Variants in ATP8B4 observed in about 807,000 individuals in gnomAD.
ATP8B4 encodes the protein probable phospholipid-transporting ATPase IM.
Under a neutral mutation model 145.6 loss-of-function variants are expected in ATP8B4, and 133 were observed. The ratio of observed to expected loss-of-function variants is 0.91; its 90% confidence interval spans 0.79 to 1.05. The LOEUF is 1.05. Among genes scored for constraint, ATP8B4 ranks in the 50% least tolerant of loss-of-function variants. The pLI, the probability that ATP8B4 is intolerant of heterozygous loss-of-function variation, is 0.00. For missense variants in ATP8B4, 1,458 were observed against 1,425.2 expected, an observed-to-expected ratio of 1.02 and a Z score of -0.37; for synonymous variants, 507 against 492.9, an observed-to-expected ratio of 1.03 and a Z score of -0.38.
chr15:49,901,929 C>T (rs2038085329), intron 20 of ATP8B4: 1 of 339,052 alleles, frequency 2.9e-6, no homozygotes, highest in Non-Finnish European at 5.7e-6. Context: ...CCTCCAAATG[C>T]TCTAGATCTA....
At chr15:50,140,939 T>G (rs965195638) in intron 1 of ATP8B4, among the ~76,000 whole-genome samples, 2 of 152,188 alleles carry the variant, frequency 1.3e-5, no homozygotes, top group African/African-American at 4.8e-5. Flanking sequence ...GTACAAATAC[T>G]GATCTCTCTA....
At chr15:49,910,964 C>T (rs1028982204) in intron 20 of ATP8B4, among the ~76,000 whole-genome samples, 4 of 151,946 alleles carry the variant, frequency 2.6e-5, no homozygotes, top group African/African-American at 9.6e-5. Context: ...CATAAAAGTG[C>T]AAAACTCACT....
intron 2 of ATP8B4, among the ~76,000 whole-genome samples, chr15:50,085,641 G>C (rs935238975): frequency 1.3e-5 from 2 of 151,546 alleles, no homozygotes; most frequent in Admixed American, 1.3e-4. Context: ...AGCCTGTGCA[G>C]AATTCTCCCA....
chr15:49,909,153 C>T (rs1248736839), intron 20 of ATP8B4, among the ~76,000 whole-genome samples: 3 of 152,098 alleles, frequency 2.0e-5, no homozygotes, highest in Non-Finnish European at 2.9e-5. Flanking sequence ...TACCCCCCAC[C>T]CCAGTACTTG....
intron 8 of ATP8B4, among the ~76,000 whole-genome samples, chr15:49,999,624 G>A (rs1459740783): frequency 2.0e-5 from 3 of 152,142 alleles, no homozygotes; most frequent in South Asian, 4.2e-4. Context: ...TAATCTGCCT[G>A]AGTATCTTGA....
intron 6 of ATP8B4, among the ~76,000 whole-genome samples, chr15:50,031,315 C>T (rs149421635): frequency 1.6e-4 from 25 of 152,218 alleles, no homozygotes; most frequent in African/African-American, 5.8e-4. Flanking sequence ...ATACCTTTCC[C>T]CTAGCCCCAG....
chr15:50,018,376 G>A (rs560430379), intron 6 of ATP8B4, among the ~76,000 whole-genome samples: 23 of 152,262 alleles, frequency 1.5e-4, no homozygotes, highest in Middle Eastern at 3.4e-3. Flanking sequence ...TGTACAAAAT[G>A]ACCCCTCTAA....
At chr15:50,041,650 T>G (rs2051291653) in intron 5 of ATP8B4, among the ~76,000 whole-genome samples, 3 of 152,154 alleles carry the variant, frequency 2.0e-5, no homozygotes. Context: ...TATGTGTTTG[T>G]TAAAAATCTG....
At chr15:49,982,412 C>G (rs913151889) in intron 10 of ATP8B4, 3 of 152,042 alleles carry the variant, frequency 2.0e-5, no homozygotes, top group Non-Finnish European at 4.4e-5. Context: ...GGAAATATTT[C>G]TTTTATGGTA....
intron 2 of ATP8B4, among the ~76,000 whole-genome samples, chr15:50,079,907 C>T (rs957813431): frequency 6.6e-6 from 1 of 152,022 alleles, no homozygotes; most frequent in Non-Finnish European, 1.5e-5. Context: ...AGTACAAGAC[C>T]CGAAAGAAGA....
At chr15:49,926,647 T>G (rs2040751991) in intron 16 of ATP8B4, among the ~76,000 whole-genome samples, 1 of 152,142 alleles carries the variant, frequency 6.6e-6, no homozygotes, top group Non-Finnish European at 1.5e-5. Flanking sequence ...AGAACTACCT[T>G]TCAACTTTTC....
At chr15:50,036,184 C>T (rs1287542019) in intron 6 of ATP8B4, among the ~76,000 whole-genome samples, 1 of 152,098 alleles carries the variant, frequency 6.6e-6, no homozygotes, top group Non-Finnish European at 1.5e-5. Flanking sequence ...GAAAGTATTT[C>T]TAGGAGAAAC....
At chr15:49,894,071 G>C (rs1380542043) in intron 23 of ATP8B4, among the ~76,000 whole-genome samples, 1 of 152,164 alleles carries the variant, frequency 6.6e-6, no homozygotes, top group Non-Finnish European at 1.5e-5. Flanking sequence ...CAGGTGATAA[G>C]CAATTACTAC....
rs74811880 is a variant in ATP8B4, at chr15:49,876,345, T to C, written c.2960A>G (p.His987Arg). ...TGCAAAGGACTGGTAGTCAGCAATA[T>C]GTTGCCCATCTTCTCCAGCCACGTT... is the stretch of plus-strand genomic sequence containing the variant. ...FYNVAGEDGQ[H>R]IADYQSFAVT... Residue 987 changes from histidine to arginine, a missense_variant, in exon 25 of 28, where the codon CAT becomes CGT. Transcript: ENST00000284509. The C allele has an allele frequency of 9.9e-4, 1,597 of 1,614,118 alleles. 1 individual carries two copies. Among genetic ancestry groups the C allele is most frequent in the Non-Finnish European group, 1.2e-3 (1,461 of 1,179,976 alleles).
intron 1 of ATP8B4, among the ~76,000 whole-genome samples, chr15:50,156,137 T>A (rs866810800): frequency 1.1e-4 from 2 of 18,124 alleles, no homozygotes; most frequent in African/African-American, 1.8e-4. Flanking sequence ...TATATATATA[T>A]AAATATATAT....
intron 23 of ATP8B4, among the ~76,000 whole-genome samples, chr15:49,891,382 G>C (rs2036774863): frequency 6.6e-6 from 1 of 152,024 alleles, no homozygotes; most frequent in Non-Finnish European, 1.5e-5. Flanking sequence ...CTGGAATGCA[G>C]TGGTGTGATC....
At chr15:50,031,109 C>A (rs1241340303) in intron 6 of ATP8B4, among the ~76,000 whole-genome samples, 1 of 152,176 alleles carries the variant, frequency 6.6e-6, no homozygotes, top group Non-Finnish European at 1.5e-5. Flanking sequence ...GTTGAATATT[C>A]ATTTTTAAAC....
chr15:50,176,216 G>A (rs1290595268), intron 1 of ATP8B4, among the ~76,000 whole-genome samples: 6 of 152,098 alleles, frequency 3.9e-5, no homozygotes, highest in Non-Finnish European at 7.4e-5. Flanking sequence ...AACAGCATTT[G>A]CAGTGACCTG....
chr15:49,949,762 C>T (rs897541140), intron 14 of ATP8B4, among the ~76,000 whole-genome samples: 3 of 152,040 alleles, frequency 2.0e-5, no homozygotes, highest in African/African-American at 4.8e-5. Flanking sequence ...GGAATGCTTC[C>T]AGCTTTTGCC....
Sources: allele counts gnomAD v4.1 joint callset (sites outside exome capture counted in the v4.1 genomes callset), GRCh38; gene constraint gnomAD v4.1.1; transcripts MANE v1.5; gene names NCBI Gene and HGNC (gene_info 2026-07-23, HGNC 2026-07-21).